The following FHOD3 variants were observed in gnomAD, a reference collection of about 807,000 sequenced individuals.
FHOD3 encodes formin homology 2 domain containing 3, also known as FH1/FH2 domain-containing protein 3.
FHOD3 carries 90 observed loss-of-function variants against 173.0 expected under a neutral mutation model. That is an observed-to-expected ratio of 0.52 (90% CI 0.44 to 0.62). The LOEUF (loss-of-function observed/expected upper bound fraction) is 0.62. Ranked by LOEUF, FHOD3 falls within the 20% of genes least tolerant of loss-of-function variation. The pLI is 0.00. For missense variants in FHOD3, 1,945 were observed against 2,034.7 expected (o/e 0.96, Z 0.85); for synonymous variants, 828 against 823.0 (o/e 1.01, Z -0.10).
chr18:36,642,345 C>T (rs958849957), intron 10 of FHOD3, among the ~76,000 whole-genome samples: 3 of 152,004 alleles, frequency 2.0e-5, no homozygotes, highest in Non-Finnish European at 4.4e-5. Flanking sequence ...GTAGGCCAGG[C>T]GCAGTGGTTC....
intron 14 of FHOD3, among the ~76,000 whole-genome samples, chr18:36,678,461 C>T (rs142895945): frequency 5.1e-5 from 7 of 137,086 alleles, no homozygotes; most frequent in East Asian, 4.5e-4. Context: ...CACTTGAGCT[C>T]GGGAGGTCAA....
chr18:36,424,152 A>G lies in FHOD3; in HGVS notation c.337+51408A>G, dbSNP rs976624812. The stretch of plus-strand genomic sequence containing the variant: ...ACACCCATCCACATGTGGAGTTCCA[A>G]TATTCTCATTCCTGATGATCCTCTA... On this transcript the variant is annotated intron_variant, in intron 3 of 28. Coordinates refer to ENST00000590592, the MANE Select transcript of FHOD3 (RefSeq NM_001281740.3). Among the ~76,000 whole-genome samples the G allele has an allele frequency of 3.9e-5, 6 of 152,122 alleles. 1 individual carries two copies. The South Asian group carries it at 6.2e-4, about 16-fold the overall frequency.
At chr18:36,335,419 C>T (rs574722007) in intron 1 of FHOD3, among the ~76,000 whole-genome samples, 21 of 150,186 alleles carry the variant, frequency 1.4e-4, no homozygotes, top group Admixed American at 6.6e-4. Context: ...GGCGTGAACC[C>T]GGGAGGCAGA....
chr18:36,357,700 A>G (rs1056589037), intron 2 of FHOD3, among the ~76,000 whole-genome samples: 5 of 152,238 alleles, frequency 3.3e-5, no homozygotes, highest in Non-Finnish European at 4.4e-5. Flanking sequence ...TGACAGTGAC[A>G]TCCTTTCATA....
intron 5 of FHOD3, among the ~76,000 whole-genome samples, chr18:36,548,292 TAG>T (rs1293750451): frequency 2.0e-5 from 3 of 152,314 alleles, no homozygotes; most frequent in African/African-American, 7.2e-5. Context: ...AGTGCAAAGA[TAG>T]AGTCAGCAAT....
intron 3 of FHOD3, among the ~76,000 whole-genome samples, chr18:36,425,304 C>A (rs982405237): frequency 1.3e-5 from 2 of 152,138 alleles, no homozygotes; most frequent in African/African-American, 4.8e-5. Flanking sequence ...AGGATTCAGG[C>A]ATCTACTGGA....
At chr18:36,326,532 C>T (rs894300573) in intron 1 of FHOD3, among the ~76,000 whole-genome samples, 1 of 152,146 alleles carries the variant, frequency 6.6e-6, no homozygotes, top group Non-Finnish European at 1.5e-5. Flanking sequence ...CTTTGGGAGG[C>T]TGAGGCGGGA....
intron 3 of FHOD3, among the ~76,000 whole-genome samples, chr18:36,452,415 A>G (rs1162083507): frequency 1.3e-5 from 2 of 152,214 alleles, no homozygotes; most frequent in African/African-American, 4.8e-5. Flanking sequence ...CCTTTATCTT[A>G]ACATTTGCAG....
At position 36,629,529 on chromosome 18, in the gene FHOD3, T is replaced by C. The variant is rs150331360; in HGVS notation, c.1196+3780T>C. ...GTTTCTTGAGGGAGGTTGGGGGAAA[T>C]TGGCAAAGGAGAGTATGTGGCATAT... On this transcript the variant is annotated intron_variant, in intron 10 of 28. Transcript: ENST00000590592. 4.6e-3 allele frequency among the ~76,000 whole-genome samples: 704 copies of C among 152,204 alleles called. 7 individuals carry two copies. Among genetic ancestry groups the C allele is most frequent in the African/African-American group, 0.016 (662 of 41,520 alleles).
chr18:36,477,614 T>C (rs886177108), intron 3 of FHOD3, among the ~76,000 whole-genome samples: 1 of 149,088 alleles, frequency 6.7e-6, no homozygotes, highest in Admixed American at 6.7e-5. Context: ...TACCTATCTA[T>C]CTATATCTAT....
At chr18:36,555,636 C>T (rs940850477) in intron 5 of FHOD3, among the ~76,000 whole-genome samples, 3 of 152,206 alleles carry the variant, frequency 2.0e-5, no homozygotes, top group Middle Eastern at 3.4e-3. Context: ...TTATTGTTGA[C>T]GTTTCCAACC....
At chr18:36,402,559 C>T (rs1183338194) in intron 3 of FHOD3, among the ~76,000 whole-genome samples, 1 of 143,238 alleles carries the variant, frequency 7.0e-6, no homozygotes, top group African/African-American at 2.6e-5. Context: ...GAAAATACCC[C>T]AGAGAGGAAA....
In FHOD3 at chr18:36,297,872, G is replaced by T; in HGVS notation, c.37G>T (p.Asp13Tyr). 6.5e-7 allele frequency: 1 copy of T among 1,546,442 alleles called. No homozygotes were observed. The highest frequency in any genetic ancestry group is 8.7e-7 in the Non-Finnish European group (1 of 1,146,818). Residue 13 changes from aspartate to tyrosine, a missense_variant, in exon 1 of 29, where the codon GAC becomes TAC. Physicochemically the swap from Asp to Tyr is radical, Grantham distance 160. Coordinates refer to ENST00000590592, the MANE Select transcript of FHOD3 (RefSeq NM_001281740.3). ...GGCTTGCCGGGTGCAGTTCTTGGAC[G>T]ACACGGACCCTTTCAACAGCACCAA... ...TLACRVQFLD[D>Y]TDPFNSTNFP...
chr18:36,556,742 A>G (rs2057903102), intron 5 of FHOD3, among the ~76,000 whole-genome samples: 2 of 151,996 alleles, frequency 1.3e-5, no homozygotes, highest in Non-Finnish European at 2.9e-5. Context: ...ACGTGTATTT[A>G]CCCTTGTAGT....
intron 3 of FHOD3, among the ~76,000 whole-genome samples, chr18:36,487,625 C>T (rs2054257891): frequency 6.6e-6 from 1 of 152,198 alleles, no homozygotes; most frequent in Middle Eastern, 3.2e-3. Flanking sequence ...GGTTCTCTTT[C>T]TCTTTTCTGC....
intron 24 of FHOD3, among the ~76,000 whole-genome samples, chr18:36,751,459 C>T (rs115885075): frequency 0.012 from 1,851 of 152,246 alleles, 26 homozygotes; most frequent in African/African-American, 0.04. Context: ...TATTTGAATG[C>T]GCTTTATTTC....
At chr18:36,372,576 T>C (rs2047244942) in intron 2 of FHOD3, 104 bp from the exon 3 acceptor site, 4 of 809,264 alleles carry the variant, frequency 4.9e-6, no homozygotes, top group Admixed American at 4.5e-5. Flanking sequence ...CTTCTCTGGA[T>C]CCCCACTTAA....
intron 5 of FHOD3, among the ~76,000 whole-genome samples, chr18:36,522,998 C>G (rs535229114): frequency 6.6e-6 from 1 of 152,204 alleles, no homozygotes; most frequent in Non-Finnish European, 1.5e-5. Flanking sequence ...TAAAACTGGA[C>G]CTTTCCAAAA....
chr18:36,660,582 C>T (rs1251031294), intron 14 of FHOD3, among the ~76,000 whole-genome samples: 2 of 152,096 alleles, frequency 1.3e-5, no homozygotes, highest in Non-Finnish European at 2.9e-5. Flanking sequence ...TAAGAGGAGA[C>T]GCAAAATGAG....
Sources: allele counts gnomAD v4.1 joint callset (sites outside exome capture counted in the v4.1 genomes callset), GRCh38; gene constraint gnomAD v4.1.1; transcripts MANE v1.5; gene names NCBI Gene and HGNC (gene_info 2026-07-23, HGNC 2026-07-21).